LMBRD1: variants seen among roughly 807,000 people sequenced by gnomAD.
The protein encoded by LMBRD1 is lysosomal cobalamin transport escort protein LMBD1.
In LMBRD1, 64 loss-of-function variants were observed where a neutral mutation model predicts 74.8. The observed-to-expected ratio is 0.86, with a 90% CI of 0.70 to 1.05. LMBRD1 has a LOEUF of 1.05. Ranked by LOEUF, LMBRD1 falls within the 50% of genes least tolerant of loss-of-function variation. The probability of loss-of-function intolerance (pLI) is 0.00; values close to 1 mark genes in which losing one functional copy is unlikely to be tolerated. For synonymous variants in LMBRD1, 204 were observed against 216.3 expected (o/e 0.94, Z 0.50); for missense variants, 652 against 645.9 (o/e 1.01, Z -0.10).
intron 7 of LMBRD1, among the ~76,000 whole-genome samples, chr6:69,720,050 C>G (rs987771828): frequency 3.3e-5 from 5 of 152,150 alleles, no homozygotes; most frequent in Non-Finnish European, 5.9e-5. Flanking sequence ...ACTTAAGATA[C>G]CTTTAGTGTT....
At chr6:69,739,876 G>A (rs1767061151) in intron 6 of LMBRD1, among the ~76,000 whole-genome samples, 1 of 152,218 alleles carries the variant, frequency 6.6e-6, no homozygotes, top group Non-Finnish European at 1.5e-5. Flanking sequence ...GGGAGGCCAA[G>A]GTGGGCGGAT....
At chr6:69,742,865 G>T (rs1300459685) in intron 5 of LMBRD1, among the ~76,000 whole-genome samples, 1 of 151,652 alleles carries the variant, frequency 6.6e-6, no homozygotes, top group Non-Finnish European at 1.5e-5. Flanking sequence ...AAATGACTGG[G>T]CACAGCATGT....
intron 12 of LMBRD1, among the ~76,000 whole-genome samples, chr6:69,700,465 G>A (rs1444518275): frequency 2.0e-5 from 3 of 151,604 alleles, no homozygotes; most frequent in Admixed American, 6.6e-5. Flanking sequence ...ATGCACTACA[G>A]GATTTTTAAT....
intron 7 of LMBRD1, among the ~76,000 whole-genome samples, chr6:69,734,143 C>T (rs944520691): frequency 6.6e-6 from 1 of 151,758 alleles, no homozygotes. Flanking sequence ...CCAATAACTG[C>T]TAGGAAGTTG....
chr6:69,779,294 C>T (rs1340742743), intron 3 of LMBRD1, among the ~76,000 whole-genome samples: 2 of 151,666 alleles, frequency 1.3e-5, no homozygotes, highest in Non-Finnish European at 2.9e-5. Context: ...AAATCTTACT[C>T]AGAATCTTTA....
intron 14 of LMBRD1, among the ~76,000 whole-genome samples, chr6:69,687,591 C>T (rs977251276): frequency 3.3e-5 from 5 of 152,030 alleles, no homozygotes; most frequent in African/African-American, 4.8e-5. Flanking sequence ...TAGAATTTCA[C>T]GACTAACAGG....
chr6:69,773,895 A>G (rs1395176089), intron 3 of LMBRD1, among the ~76,000 whole-genome samples: 1 of 152,216 alleles, frequency 6.6e-6, no homozygotes. Flanking sequence ...GCCTGCATCA[A>G]TATAGATGTT....
In LMBRD1 at chr6:69,796,931, A is replaced by T. The variant is rs978587955; in HGVS notation, c.-50T>A. 608 of 1,220,002 alleles carry T rather than the reference A, an allele frequency of 5.0e-4. No homozygotes were observed. The highest frequency in any genetic ancestry group is 6.7e-4 in the Non-Finnish European group (558 of 838,294). The allele number at this position is 1,220,002 out of a possible 1,614,324, so 75.6% of individuals were successfully genotyped here. On this transcript the variant is annotated 5_prime_UTR_variant, in exon 1 of 16. Coordinates refer to ENST00000649934, the MANE Select transcript of LMBRD1 (RefSeq NM_018368.4). Reference sequence around the variant, plus strand: ...TGAGCGCCCGGGGTGGGGAAAGGGGAGGGGGAAAGGGGAGAGAGCGCGAGA... The same window carrying T: ...TGAGCGCCCGGGGTGGGGAAAGGGGTGGGGGAAAGGGGAGAGAGCGCGAGA...
At chr6:69,704,509 A>G (rs1188845875) in intron 9 of LMBRD1, among the ~76,000 whole-genome samples, 1 of 150,838 alleles carries the variant, frequency 6.6e-6, no homozygotes, top group Non-Finnish European at 1.5e-5. Context: ...AGCCCCTACA[A>G]ACTGGTTCCT....
chr6:69,776,546 T>C (rs115410664), intron 3 of LMBRD1, among the ~76,000 whole-genome samples: 1,993 of 152,318 alleles, frequency 0.013, 41 homozygotes, highest in African/African-American at 0.046. Context: ...GAAAAGAGAT[T>C]ATCACATGAT....
chr6:69,676,351 T>C, intron 15 of LMBRD1, 80 bp from the exon 16 acceptor site: 4 of 1,576,690 alleles, frequency 2.5e-6, no homozygotes, highest in Non-Finnish European at 3.5e-6. Flanking sequence ...TCAATGACAG[T>C]ACTATGATAC....
chr6:69,677,653 C>A (rs1765575475), intron 14 of LMBRD1, among the ~76,000 whole-genome samples: 2 of 152,046 alleles, frequency 1.3e-5, no homozygotes, highest in Non-Finnish European at 2.9e-5. Flanking sequence ...TTCTAAGAAA[C>A]CAATTCTCAC....
At chr6:69,770,038 G>A (rs1279744275) in intron 3 of LMBRD1, among the ~76,000 whole-genome samples, 2 of 151,632 alleles carry the variant, frequency 1.3e-5, no homozygotes, top group Non-Finnish European at 2.9e-5. Context: ...AGGAGTACAT[G>A]ACTAGGTTGG....
chr6:69,740,163 C>A (rs2149870460), intron 6 of LMBRD1, among the ~76,000 whole-genome samples: 1 of 152,058 alleles, frequency 6.6e-6, no homozygotes, highest in Non-Finnish European at 1.5e-5. Context: ...CTGAAAAATG[C>A]AATGCAAGGA....
intron 14 of LMBRD1, among the ~76,000 whole-genome samples, chr6:69,686,889 C>T (rs1198755853): frequency 3.9e-5 from 6 of 152,150 alleles, no homozygotes; most frequent in Non-Finnish European, 8.8e-5. Context: ...ATGTCTATGG[C>T]AGTTTTCATG....
intron 7 of LMBRD1, among the ~76,000 whole-genome samples, chr6:69,721,180 T>G (rs1766606154): frequency 6.6e-6 from 1 of 152,182 alleles, no homozygotes; most frequent in South Asian, 2.1e-4. Flanking sequence ...AAACAAGGAC[T>G]GCAATTCCTA....
At chr6:69,785,934 G>A (rs1765934596) in intron 2 of LMBRD1, among the ~76,000 whole-genome samples, 1 of 152,100 alleles carries the variant, frequency 6.6e-6, no homozygotes, top group South Asian at 2.1e-4. Flanking sequence ...TCTCCCTCTG[G>A]CTCTTTACTA....
At chr6:69,785,351 C>T (rs1174135588) in intron 2 of LMBRD1, among the ~76,000 whole-genome samples, 1 of 152,182 alleles carries the variant, frequency 6.6e-6, no homozygotes, top group Non-Finnish European at 1.5e-5. Context: ...AGATATCATC[C>T]ATATGTTGCT....
chr6:69,736,892 T>C (rs186506976), intron 7 of LMBRD1, among the ~76,000 whole-genome samples: 83 of 152,304 alleles, frequency 5.4e-4, no homozygotes, highest in Non-Finnish European at 9.6e-4. Flanking sequence ...TTCTGTGAGA[T>C]AGAAGGATAA....
Sources: gnomAD v4.1 joint callset for allele counts (sites outside exome capture counted in the v4.1 genomes callset) on GRCh38, gnomAD v4.1.1 for gene constraint, MANE v1.5 for transcripts, NCBI Gene and HGNC (gene_info 2026-07-23, HGNC 2026-07-21) for gene names.